The following HERC6 variants were observed in gnomAD, a reference collection of about 807,000 sequenced individuals.
HERC6 encodes HECT and RLD domain containing E3 ubiquitin protein ligase family member 6, also known as probable E3 ubiquitin-protein ligase HERC6.
A neutral mutation model predicts 114.5 loss-of-function variants in HERC6; 101 were observed. The observed-to-expected ratio is 0.88, with a 90% CI of 0.75 to 1.04. The LOEUF is 1.04. HERC6 is among the 50% of genes least tolerant of loss of function. The probability of loss-of-function intolerance (pLI) is 0.00; values close to 1 mark genes in which losing one functional copy is unlikely to be tolerated. For synonymous variants in HERC6, 408 were observed against 436.2 expected, an observed-to-expected ratio of 0.94 and a Z score of 0.81; for missense variants, 1,133 against 1,230.9, an observed-to-expected ratio of 0.92 and a Z score of 1.19.
At position 88,385,714 on chromosome 4, in the gene HERC6, A is replaced by AT. The variant is rs1212890452; in HGVS notation, c.436+146dup. On this transcript the variant is annotated intron_variant, in intron 3 of 22. Transcript: ENST00000264346. ...GTTTCATAAGATATATTGTTTTCCT[A>AT]TTTTTTTCTCAAATTTCTTGGTCCT... 3.2e-5 allele frequency: 18 copies of AT among 569,010 alleles called. No individual in the cohort carries two copies. In the Admixed American group the frequency reaches 4.5e-4, roughly 14 times the overall value. 35.2% of individuals were successfully genotyped at this position (569,010 alleles called of 1,614,324 possible).
intron 13 of HERC6, among the ~76,000 whole-genome samples, chr4:88,423,351 A>C (rs2148951763): frequency 6.7e-6 from 1 of 150,330 alleles, no homozygotes; most frequent in South Asian, 2.1e-4. Flanking sequence ...GTTTTTACCT[A>C]CTAGACCACA....
intron 8 of HERC6, among the ~76,000 whole-genome samples, chr4:88,401,670 T>C (rs939647127): frequency 6.6e-6 from 1 of 152,060 alleles, no homozygotes; most frequent in South Asian, 2.1e-4. Flanking sequence ...GGGAAGGTGA[T>C]TAGTTCTTGC....
At chr4:88,388,545 G>A (rs1337560689) in intron 3 of HERC6, among the ~76,000 whole-genome samples, 1 of 102,464 alleles carries the variant, frequency 9.8e-6, no homozygotes, top group Non-Finnish European at 1.7e-5. Flanking sequence ...AGCAAGACTC[G>A]TCTCAAAAAA....
chr4:88,425,774 G>C (rs1185237792), intron 15 of HERC6, among the ~76,000 whole-genome samples: 1 of 150,388 alleles, frequency 6.6e-6, no homozygotes, highest in Non-Finnish European at 1.5e-5. Flanking sequence ...CCCTTATTAT[G>C]CTAAAACAAA....
chr4:88,397,680 C>T (rs959797790), intron 7 of HERC6, among the ~76,000 whole-genome samples: 3 of 151,388 alleles, frequency 2.0e-5, no homozygotes, highest in Non-Finnish European at 4.4e-5. Flanking sequence ...GGTGAGACTC[C>T]ATCTCAAAAA....
intron 18 of HERC6, among the ~76,000 whole-genome samples, chr4:88,436,410 G>C (rs1337120375): frequency 6.6e-6 from 1 of 152,198 alleles, no homozygotes; most frequent in African/African-American, 2.4e-5. Flanking sequence ...GTTAGTGTGA[G>C]AATATATTGG....
At chr4:88,434,278 T>A (rs1738525272) in intron 17 of HERC6, among the ~76,000 whole-genome samples, 1 of 152,256 alleles carries the variant, frequency 6.6e-6, no homozygotes, top group South Asian at 2.1e-4. Context: ...TTCGGTTTCC[T>A]CACCTAGAAA....
intron 15 of HERC6, among the ~76,000 whole-genome samples, chr4:88,424,922 A>C (rs867719952): frequency 1.3e-5 from 2 of 152,046 alleles, no homozygotes; most frequent in African/African-American, 4.8e-5. Flanking sequence ...TCAATGCATT[A>C]TTTCTGGTTG....
At chr4:88,431,645 A>G (rs1738227569) in intron 17 of HERC6, among the ~76,000 whole-genome samples, 1 of 152,260 alleles carries the variant, frequency 6.6e-6, no homozygotes, top group African/African-American at 2.4e-5. Context: ...AGCTTGGCTC[A>G]GCCTGGTGGT....
intron 8 of HERC6, chr4:88,398,915 T>C (rs929101482): frequency 2.0e-5 from 3 of 152,232 alleles, no homozygotes; most frequent in African/African-American, 4.8e-5. Flanking sequence ...GGTGAATTTA[T>C]GCAAAGTTGC....
At chr4:88,411,400 C>G (rs1670592432) in intron 11 of HERC6, among the ~76,000 whole-genome samples, 1 of 152,100 alleles carries the variant, frequency 6.6e-6, no homozygotes, top group Non-Finnish European at 1.5e-5. Context: ...CCCTATTTTT[C>G]TTGGAGTTAT....
intron 16 of HERC6, 59 bp from the exon 17 acceptor site, chr4:88,431,103 A>G (rs919427552): frequency 5.4e-6 from 8 of 1,493,406 alleles, no homozygotes; most frequent in African/African-American, 1.4e-5. Flanking sequence ...TAAAACTTCC[A>G]TAAAGCTCAA....
chr4:88,389,791 C>T (rs1734795940), intron 3 of HERC6, among the ~76,000 whole-genome samples: 1 of 152,000 alleles, frequency 6.6e-6, no homozygotes, highest in Admixed American at 6.6e-5. Context: ...GAAATCCTAC[C>T]ATTTGCAACT....
intron 21 of HERC6, 37 bp from the exon 22 acceptor site, chr4:88,440,111 C>T: frequency 6.9e-6 from 11 of 1,601,352 alleles, no homozygotes; most frequent in Non-Finnish European, 9.4e-6. Flanking sequence ...ATATATTCCA[C>T]CCCACTCAAA....
Position 88,423,940 on chromosome 4 carries a change from T to C in HERC6, c.1794T>C (p.Asp598=). The C allele has an allele frequency of 3.2e-6, 5 of 1,550,696 alleles. No individual in the cohort carries two copies. The highest frequency in any genetic ancestry group is 4.4e-6 in the Non-Finnish European group (5 of 1,145,908). The change falls in exon 14 of 23, where the codon GAT becomes GAC. Residue 598 remains aspartate, a synonymous_variant. Transcript: ENST00000264346. The part of the protein sequence containing the change: ...ELSNLLNFYI[D]RGRQLFRDNH... Reference sequence around the variant, plus strand: ...CCAACTTATTAAACTTTTATATAGATAGAGGAAGACAGCTCTTTCGGGATA... The same window carrying C: ...CCAACTTATTAAACTTTTATATAGACAGAGGAAGACAGCTCTTTCGGGATA...
chr4:88,385,745 T>C (rs1313203364), intron 3 of HERC6, among the ~76,000 whole-genome samples, 170 bp downstream of exon 3: 1 of 152,208 alleles, frequency 6.6e-6, no homozygotes, highest in African/African-American at 2.4e-5. Flanking sequence ...GTCCTAATTA[T>C]ACTCTAAACA....
rs1427440192 is a variant in HERC6 at position 88,393,509 on chromosome 4, C to T, written c.686C>T (p.Ser229Leu). The T allele has an allele frequency of 6.2e-7, 1 of 1,611,090 alleles. No homozygotes were observed. The highest frequency in any genetic ancestry group is 2.2e-5 in the East Asian group (1 of 44,874). ...ACAGTGCAAAGCAACAAGCCTCTCT[C>T]AGTCGGTGCACTGAAGAATCTAGGT... is the stretch of plus-strand genomic sequence containing the variant. ...NVPVQSNKPL[S>L]VGALKNLGVV... The change falls in exon 5 of 23, where the codon TCA (serine) becomes TTA (leucine). Residue 229 changes from serine to leucine, a missense_variant. Physicochemically the swap from Ser to Leu is moderately radical, Grantham distance 145. Transcript: ENST00000264346.
chr4:88,393,099 G>A (rs774952135), intron 4 of HERC6, among the ~76,000 whole-genome samples: 8 of 152,118 alleles, frequency 5.3e-5, no homozygotes, highest in Non-Finnish European at 8.8e-5. Flanking sequence ...CAGGCATGAG[G>A]GTCTTGAAGC....
rs972191581 is a variant in HERC6 at position 88,431,101 on chromosome 4, C to G, written c.2107-61C>G. On this transcript the variant is annotated intron_variant, in intron 16 of 22. Transcript: ENST00000264346. ...AATGGTCGTTAGAGGTTTAAAACTTCCATAAAGCTCAAAACATTGTATTTT... is the reference window on the plus strand; with the variant it reads ...AATGGTCGTTAGAGGTTTAAAACTTGCATAAAGCTCAAAACATTGTATTTT... The G allele has an allele frequency of 2.0e-6, 3 of 1,472,956 alleles. No individual in the cohort carries two copies. The African/African-American group carries it at 4.2e-5, about 21-fold the overall frequency. The allele number at this position is 1,472,956 out of a possible 1,614,324, so 91.2% of individuals were successfully genotyped here.
Sources: gnomAD v4.1 joint callset for allele counts (sites outside exome capture counted in the v4.1 genomes callset) on GRCh38, gnomAD v4.1.1 for gene constraint, MANE v1.5 for transcripts, NCBI Gene and HGNC (gene_info 2026-07-23, HGNC 2026-07-21) for gene names.